KLF8: variants seen among roughly 807,000 people sequenced by gnomAD.
KLF8 encodes the protein Krueppel-like factor 8.
KLF8 carries 10 observed loss-of-function variants against 18.2 expected under a neutral mutation model. That is an observed-to-expected ratio of 0.55 (90% CI 0.34 to 0.93). The LOEUF is 0.93. Among genes scored for constraint, KLF8 ranks in the 40% least tolerant of loss-of-function variants. The probability of loss-of-function intolerance (pLI) is 0.02; values close to 1 mark genes in which losing one functional copy is unlikely to be tolerated. For synonymous variants in KLF8, 109 were observed against 97.3 expected (o/e 1.12, Z -0.71); for missense variants, 264 against 277.9 (o/e 0.95, Z 0.36).
chrX:55,954,190 A>G, the KLF8 span, among the ~76,000 whole-genome samples: 1 of 110,833 alleles, frequency 9.0e-6, no homozygotes, highest in African/African-American at 3.3e-5. Context: ...GTTATTGTGA[A>G]TAGTGCTGCA....
the KLF8 span, among the ~76,000 whole-genome samples, chrX:55,976,142 A>T: frequency 1.8e-5 from 2 of 112,310 alleles, no homozygotes; most frequent in Non-Finnish European, 3.8e-5. Context: ...TCATATTTTC[A>T]TATATCTATA....
At chrX:56,113,140 G>A in the KLF8 span, among the ~76,000 whole-genome samples, 13,351 of 106,999 alleles carry the variant, frequency 0.12, 1,606 homozygotes, top group African/African-American at 0.37. Context: ...AGAGGTTGCA[G>A]TGAGCAGAGA....
chrX:56,103,550 C>T, the KLF8 span, among the ~76,000 whole-genome samples: 1 of 111,026 alleles, frequency 9.0e-6, no homozygotes, highest in Non-Finnish European at 1.9e-5. Flanking sequence ...GTGATTTTTG[C>T]ACATTGATTT....
chrX:56,189,097 G>A, the KLF8 span, among the ~76,000 whole-genome samples: 1 of 111,360 alleles, frequency 9.0e-6, no homozygotes, highest in Non-Finnish European at 1.9e-5. Context: ...TACAAAATGG[G>A]AGAAAATTTT....
the KLF8 span, among the ~76,000 whole-genome samples, chrX:56,029,666 T>A: frequency 8.9e-6 from 1 of 112,205 alleles, no homozygotes; most frequent in Non-Finnish European, 1.9e-5. Context: ...TTTTCTATGG[T>A]CTTTTTGCTC....
rs754199549 is a variant in KLF8 at position 56,265,739 on chromosome X, G to T, written c.641G>T (p.Gly214Val). 8.4e-7 allele frequency: 1 copy of T among 1,197,255 alleles called. No homozygotes were observed. The highest frequency in any genetic ancestry group is 1.1e-6 in the Non-Finnish European group (1 of 891,300). Reference sequence around the variant, plus strand: ...ATTGGAGGAGATGGTAAAAATGCTGGATCAGGTAAGTAACAATATTGCCTC... The same window carrying T: ...ATTGGAGGAGATGGTAAAAATGCTGTATCAGGTAAGTAACAATATTGCCTC... Reference protein sequence around the residue: ...PLIGGDGKNAGSVKVDPTSMS... With the variant: ...PLIGGDGKNAVSVKVDPTSMS... Residue 214 changes from glycine (G) to valine (V), a missense_variant, in exon 3 of 6, where the codon GGA (glycine) becomes GTA (valine). Gly to Val is a moderately radical substitution (Grantham distance 109, BLOSUM62 -3). This residue lies in a region of KLF8 where 221 missense variants were observed against 193.6 expected (regional missense o/e 1.14). Transcript: ENST00000468660.
At chrX:55,991,403 C>G in the KLF8 span, among the ~76,000 whole-genome samples, 1 of 111,986 alleles carries the variant, frequency 8.9e-6, no homozygotes, top group Non-Finnish European at 1.9e-5. Context: ...CCATCTGTCA[C>G]CGCTTTCTTT....
At chrX:56,007,974 T>A in the KLF8 span, among the ~76,000 whole-genome samples, 1 of 110,709 alleles carries the variant, frequency 9.0e-6, no homozygotes. Flanking sequence ...GTGATTTTTT[T>A]ATTAAGTTCA....
the KLF8 span, among the ~76,000 whole-genome samples, chrX:56,019,802 G>A: frequency 8.9e-6 from 1 of 111,738 alleles, no homozygotes. Context: ...GAATGGTAAG[G>A]GAAAGGAATG....
the KLF8 span, among the ~76,000 whole-genome samples, chrX:56,046,867 T>G: frequency 3.6e-5 from 4 of 111,407 alleles, no homozygotes; most frequent in Admixed American, 9.6e-5. Context: ...GCGATGATCT[T>G]TTTTCCAGGT....
chrX:55,952,702 T>C, the KLF8 span, among the ~76,000 whole-genome samples: 6 of 112,145 alleles, frequency 5.4e-5, no homozygotes, highest in Non-Finnish European at 1.1e-4. Flanking sequence ...ATTCCAGGGA[T>C]TAGAATGTGG....
At chrX:56,161,843 A>C in the KLF8 span, among the ~76,000 whole-genome samples, 1 of 110,660 alleles carries the variant, frequency 9.0e-6, no homozygotes, top group African/African-American at 3.3e-5. Context: ...GAGGAGAGGC[A>C]CTCTGATTTT....
chrX:56,225,764 A>AACTT, the KLF8 span, among the ~76,000 whole-genome samples: 117 of 112,403 alleles, frequency 1.0e-3, no homozygotes, highest in Non-Finnish European at 2.0e-3. Flanking sequence ...CAGATAGGTT[A>AACTT]AGTAACTTGT....
the KLF8 span, among the ~76,000 whole-genome samples, chrX:56,108,756 G>C: frequency 4.5e-5 from 5 of 110,931 alleles, no homozygotes; most frequent in African/African-American, 1.6e-4. Context: ...TTGCTCTTTT[G>C]TAGTTCCTAA....
chrX:56,179,133 T>C, the KLF8 span, among the ~76,000 whole-genome samples: 3 of 112,161 alleles, frequency 2.7e-5, no homozygotes, highest in Non-Finnish European at 1.9e-5. Context: ...ATGTTCTATG[T>C]TCTTCCATTT....
At chrX:56,177,328 C>A in the KLF8 span, among the ~76,000 whole-genome samples, 7 of 111,220 alleles carry the variant, frequency 6.3e-5, no homozygotes, top group South Asian at 2.3e-3. Context: ...ACAGTCAGGA[C>A]CCTCAGCTGC....
At chrX:55,982,609 G>T in the KLF8 span, among the ~76,000 whole-genome samples, 1 of 111,763 alleles carries the variant, frequency 8.9e-6, no homozygotes, top group South Asian at 3.7e-4. Flanking sequence ...GGGTTCTGGG[G>T]TTGGTCTACT....
chrX:56,091,174 G>A, the KLF8 span, among the ~76,000 whole-genome samples: 1 of 111,164 alleles, frequency 9.0e-6, no homozygotes, highest in Non-Finnish European at 1.9e-5. Flanking sequence ...AGAGGTGATT[G>A]GATCATGGAG....
At chrX:55,934,176 C>T in the KLF8 span, among the ~76,000 whole-genome samples, 1 of 111,734 alleles carries the variant, frequency 8.9e-6, no homozygotes, top group East Asian at 2.8e-4. Context: ...TCTGTAAATT[C>T]TTTTGAGGGC....
Sources: allele counts gnomAD v4.1 joint callset (sites outside exome capture counted in the v4.1 genomes callset), GRCh38; gene constraint gnomAD v4.1.1; regional missense constraint gnomAD v4.1.1; transcripts MANE v1.5; gene names NCBI Gene and HGNC (gene_info 2026-07-23, HGNC 2026-07-21).